Variants in CZIB observed in about 807,000 individuals in gnomAD.
CZIB encodes UPF0587 protein C1orf123.
Under a neutral mutation model 28.3 loss-of-function variants are expected in CZIB, and 26 were observed. The ratio of observed to expected loss-of-function variants is 0.92; its 90% CI spans 0.67 to 1.27. The LOEUF is 1.27. Among genes scored for constraint, CZIB ranks in the 50% most tolerant of loss-of-function variants. CZIB has a pLI of 0.00. For missense variants in CZIB, 179 were observed against 197.3 expected (o/e 0.91, Z 0.56); for synonymous variants, 78 against 71.1 (o/e 1.10, Z -0.49).
chr1:53,218,239 T>G, intron 4 of CZIB, 36 bp from the exon 5 acceptor site: 2 of 1,612,790 alleles, frequency 1.2e-6, no homozygotes, highest in Non-Finnish European at 1.7e-6. Context: ...TTGACTTGAG[T>G]CCATACCCTC....
chr1:53,220,045 C>T, intron 2 of CZIB: 2 of 543,902 alleles, frequency 3.7e-6, no homozygotes, highest in Non-Finnish European at 6.4e-6. Context: ...AAATATTTAA[C>T]ACAGGGAAGA....
Position 53,220,246 on chromosome 1 carries a change from C to G in CZIB, c.90+15G>C. 6.2e-7 allele frequency: 1 copy of G among 1,611,066 alleles called. No homozygotes were observed. The highest frequency in any genetic ancestry group is 8.5e-7 in the Non-Finnish European group (1 of 1,178,756). ...AGGACGGGCCTCCTCTCCCCGGGCC[C>G]CGCCCCGGCCGCACCTTCAGGTACC... On this transcript the variant is annotated intron_variant, in intron 2 of 7. Transcript: ENST00000294360.
intron 5 of CZIB, 190 bp downstream of exon 5, chr1:53,217,982 C>T: frequency 1.6e-6 from 1 of 637,412 alleles, no homozygotes. Flanking sequence ...CATAAGAAGG[C>T]ACTGCAAGAG....
In CZIB at chr1:53,220,364, C is replaced by T. The variant is rs1289664972; in HGVS notation, c.7-20G>A. ...GATTTTCTGAGGGGGAGGGCCAGAG[C>T]GACTGCGTCAGCCGTGCCTGCGCAG... On this transcript the variant is annotated intron_variant, in intron 1 of 7. Transcript: ENST00000294360. 6.2e-7 allele frequency: 1 copy of T among 1,609,436 alleles called. No individual in the cohort carries two copies. The highest frequency in any genetic ancestry group is 1.7e-5 in the Admixed American group (1 of 59,990).
rs998933416 is a variant in CZIB, at chr1:53,216,177, T to G, written c.340-121A>C. The G allele has an allele frequency of 4.7e-6, 4 of 855,520 alleles. No homozygotes were observed. The African/African-American group carries it at 5.0e-5, about 11-fold the overall frequency. The allele number at this position is 855,520 out of a possible 1,614,324, so 53.0% of individuals were successfully genotyped here. ...TGGGATGGAGGACAGAGATGCAGTA[T>G]GAGTACCTGTCTTGGAATAACTGCT... On this transcript the variant is annotated intron_variant, in intron 6 of 7. Transcript: ENST00000294360.
chr1:53,217,401 T>G (rs896836281), intron 5 of CZIB: 1 of 154,000 alleles, frequency 6.5e-6, no homozygotes, highest in Non-Finnish European at 1.4e-5. Context: ...TGGTTATGTA[T>G]GTGGAGGGGG....
chr1:53,218,067 C>G (rs983750290), intron 5 of CZIB, 105 bp downstream of exon 5: 17 of 1,205,950 alleles, frequency 1.4e-5, no homozygotes, highest in Non-Finnish European at 1.9e-5. Flanking sequence ...GAGTGAATGT[C>G]CTATGGCAGG....
chr1:53,220,507 T>G, intron 1 of CZIB, 63 bp downstream of exon 1: 1 of 1,599,384 alleles, frequency 6.3e-7, no homozygotes, highest in Non-Finnish European at 8.5e-7. Context: ...TGGCGCGAGC[T>G]GTTGCCTCCC....
At chr1:53,220,110 A>T in intron 2 of CZIB, 151 bp downstream of exon 2, 1 of 671,104 alleles carries the variant, frequency 1.5e-6, no homozygotes, top group Non-Finnish European at 2.5e-6. Context: ...AATACACTTT[A>T]ATAGAAAGCA....
chr1:53,220,489 TCTC>T, intron 1 of CZIB, 78 bp downstream of exon 1: 3 of 1,592,982 alleles, frequency 1.9e-6, no homozygotes, highest in Non-Finnish European at 2.6e-6. Context: ...ACTCGCTTCA[TCTC>T]CTCCTGGCGC....
intron 3 of CZIB, 148 bp downstream of exon 3, chr1:53,218,719 C>T: frequency 1.2e-6 from 1 of 845,764 alleles, no homozygotes; most frequent in Non-Finnish European, 1.9e-6. Flanking sequence ...GAATCCAGTG[C>T]TGATCACACT....
At chr1:53,216,951 G>A in intron 5 of CZIB, 92 bp from the exon 6 acceptor site, 1 of 1,072,832 alleles carries the variant, frequency 9.3e-7, no homozygotes, top group Non-Finnish European at 1.4e-6. Flanking sequence ...GGCACTTACT[G>A]CCCCTGGAGG....
In CZIB at chr1:53,218,511, CAG is replaced by C; in HGVS notation, c.148-18_148-17del. On this transcript the variant is annotated splice_polypyrimidine_tract_variant and intron_variant, in intron 3 of 7. Transcript: ENST00000294360. ...CCACACTGTCCTGGCAAAAAGCAAA[CAG>C]AACTTTCAGTCACATATGAATTAGA... The C allele has an allele frequency of 1.9e-6, 3 of 1,612,998 alleles. No individual in the cohort carries two copies. The highest frequency in any genetic ancestry group is 2.5e-6 in the Non-Finnish European group (3 of 1,179,134).
At chr1:53,219,128 G>A in intron 2 of CZIB, 1 of 592,324 alleles carries the variant, frequency 1.7e-6, no homozygotes, top group Non-Finnish European at 3.0e-6. Context: ...ATGCCGGCGT[G>A]CCCACCCTCC....
At chr1:53,214,771 G>T in intron 7 of CZIB, 35 bp from the exon 8 acceptor site, 1 of 1,571,118 alleles carries the variant, frequency 6.4e-7, no homozygotes, top group South Asian at 1.1e-5. Flanking sequence ...GCCTCACAAC[G>T]CAGAATGCAG....
intron 2 of CZIB, chr1:53,219,213 G>A: frequency 2.4e-6 from 1 of 418,318 alleles, no homozygotes; most frequent in South Asian, 3.0e-5. Flanking sequence ...AGGTGAGGGG[G>A]GGGAATATGG....
In CZIB at chr1:53,214,663, C is replaced by G; in HGVS notation, c.479G>C (p.Cys160Ser). Residue 160 changes from cysteine to serine, a missense_variant, in exon 8 of 8, where the codon TGC becomes TCC. Coordinates refer to ENST00000294360, the MANE Select transcript of CZIB (RefSeq NM_017887.3). The part of the protein sequence containing the change: ...IYEVTHQFVK[C>S] ...GCAACTGGGAAGGAAGAGGGATCAG[C>G]ACTTCACAAACTGGTGGGTGACCTC... The G allele has an allele frequency of 6.2e-7, 1 of 1,613,964 alleles. No homozygotes were observed. The highest frequency in any genetic ancestry group is 8.5e-7 in the Non-Finnish European group (1 of 1,179,868).
At chr1:53,216,123 G>A (rs1429206621) in intron 6 of CZIB, 67 bp from the exon 7 acceptor site, 10 of 1,480,380 alleles carry the variant, frequency 6.8e-6, no homozygotes, top group South Asian at 5.7e-5. Flanking sequence ...AGTAAGGGCC[G>A]GCCAGGCTGC....
chr1:53,220,191 G>A (rs188645126), intron 2 of CZIB, 70 bp downstream of exon 2: 3 of 1,346,874 alleles, frequency 2.2e-6, no homozygotes, highest in Admixed American at 2.0e-5. Context: ...CATACTGCCG[G>A]AGAGAAGGCT....
Sources: allele counts gnomAD v4.1 joint callset, GRCh38; gene constraint gnomAD v4.1.1; transcripts MANE v1.5; gene names NCBI Gene and HGNC (gene_info 2026-07-23, HGNC 2026-07-21).